The following ZSWIM5 variants were observed in gnomAD, a reference collection of about 807,000 sequenced individuals.
ZSWIM5 encodes zinc finger SWIM-type containing 5, also known as zinc finger SWIM domain-containing protein 5.
Under a neutral mutation model 119.6 loss-of-function variants are expected in ZSWIM5, and 55 were observed. The observed-to-expected ratio is 0.46, with a 90% confidence interval of 0.37 to 0.58. ZSWIM5 has a LOEUF of 0.58. Ranked by LOEUF, ZSWIM5 falls within the 20% of genes least tolerant of loss-of-function variation. The pLI is 0.00. For missense variants in ZSWIM5, 1,193 were observed against 1,512.8 expected (o/e 0.79, Z 3.51); for synonymous variants, 537 against 606.9 (o/e 0.88, Z 1.69).
intron 1 of ZSWIM5, among the ~76,000 whole-genome samples, chr1:45,115,275 G>T (rs2149025187): frequency 6.7e-6 from 1 of 150,270 alleles, no homozygotes; most frequent in East Asian, 2.0e-4. Context: ...CGGGGGCGGG[G>T]GCTGCCCCCC....
chr1:45,173,964 T>C (rs536689646), intron 1 of ZSWIM5, among the ~76,000 whole-genome samples: 1 of 152,220 alleles, frequency 6.6e-6, no homozygotes, highest in Admixed American at 6.6e-5. Flanking sequence ...TTGTACTGAT[T>C]ATAATTTAAC....
At chr1:45,103,165 G>T (rs1294761754) in intron 1 of ZSWIM5, among the ~76,000 whole-genome samples, 1 of 152,136 alleles carries the variant, frequency 6.6e-6, no homozygotes, top group Non-Finnish European at 1.5e-5. Context: ...GAGCCACCAT[G>T]CCCGGCTCAT....
chr1:45,101,024 A>C (rs1047321789), intron 1 of ZSWIM5, among the ~76,000 whole-genome samples: 12 of 152,214 alleles, frequency 7.9e-5, no homozygotes, highest in African/African-American at 2.9e-4. Context: ...CAATGGCAAC[A>C]AAAGCCAAAA....
At chr1:45,106,608 G>A (rs1277014683) in intron 1 of ZSWIM5, among the ~76,000 whole-genome samples, 5 of 144,486 alleles carry the variant, frequency 3.5e-5, no homozygotes, top group East Asian at 2.1e-4. Flanking sequence ...CTGCCCGGCC[G>A]CCCCGTCTGG....
chr1:45,119,719 A>T (rs1425996147), intron 1 of ZSWIM5, among the ~76,000 whole-genome samples: 2 of 152,226 alleles, frequency 1.3e-5, no homozygotes, highest in African/African-American at 4.8e-5. Context: ...GTTACCCAAC[A>T]GTAGGAGTTT....
chr1:45,138,894 CTTTTTT>C (rs34851118), intron 1 of ZSWIM5, among the ~76,000 whole-genome samples: 1 of 140,618 alleles, frequency 7.1e-6, no homozygotes, highest in Non-Finnish European at 1.6e-5. Context: ...TTTTCTTTTT[CTTTTTT>C]TTTTTTTTTG....
chr1:45,069,351 G>A (rs559840103), intron 2 of ZSWIM5, among the ~76,000 whole-genome samples: 40 of 151,966 alleles, frequency 2.6e-4, no homozygotes, highest in Non-Finnish European at 2.8e-4. Flanking sequence ...GTGTGAACCC[G>A]GGAGGCGGAG....
At chr1:45,194,445 A>T (rs982991793) in intron 1 of ZSWIM5, among the ~76,000 whole-genome samples, 4 of 152,212 alleles carry the variant, frequency 2.6e-5, no homozygotes, top group African/African-American at 9.6e-5. Context: ...AGAAATCTGT[A>T]AAGTTTACTC....
Position 45,206,324 on chromosome 1 carries a change from C to A in ZSWIM5, c.27G>T (p.Glu9Asp). 6.6e-7 allele frequency: 1 copy of A among 1,505,358 alleles called. No homozygotes were observed. The highest frequency in any genetic ancestry group is 8.9e-7 in the Non-Finnish European group (1 of 1,126,454). The allele number at this position is 1,505,358 out of a possible 1,614,324, so 93.3% of individuals were successfully genotyped here. ...GAGAGACCGGTGACGGCGAGAGCAG[C>A]TCCTCTCGCTCACCTCCGTCCGCCA... MADGGERE[E>D]LLSPSPVSPA... The change falls in exon 1 of 14, where the codon GAG (glutamate) becomes GAT (aspartate). Residue 9 changes from glutamate (E) to aspartate (D), a missense_variant. Around this residue, in one of 2 missense-constraint regions of ZSWIM5, gnomAD observed 232 missense variants for 222.9 expected, o/e 1.04. Transcript: ENST00000359600.
chr1:45,032,757 G>A (rs180945924), intron 11 of ZSWIM5, among the ~76,000 whole-genome samples: 9 of 151,730 alleles, frequency 5.9e-5, no homozygotes, highest in Non-Finnish European at 1.3e-4. Context: ...AAAGTGCTAG[G>A]ATTATAGGTG....
At chr1:45,171,061 T>C (rs1008667486) in intron 1 of ZSWIM5, among the ~76,000 whole-genome samples, 6 of 152,256 alleles carry the variant, frequency 3.9e-5, no homozygotes, top group Middle Eastern at 3.4e-3. Context: ...TTTTCACATC[T>C]ACTTTAGAAG....
chr1:45,067,370 A>T (rs1275209824), intron 2 of ZSWIM5, among the ~76,000 whole-genome samples: 1 of 151,654 alleles, frequency 6.6e-6, no homozygotes, highest in Non-Finnish European at 1.5e-5. Context: ...GCCCAGGGAG[A>T]CTAAGGCTGC....
chr1:45,062,595 C>T (rs528720059), intron 2 of ZSWIM5, among the ~76,000 whole-genome samples: 2 of 151,996 alleles, frequency 1.3e-5, no homozygotes, highest in East Asian at 3.9e-4. Context: ...CAACCTCCTG[C>T]GCTCAAGTGA....
intron 1 of ZSWIM5, among the ~76,000 whole-genome samples, chr1:45,094,967 C>T (rs1036181138): frequency 4.6e-5 from 7 of 152,094 alleles, no homozygotes; most frequent in Non-Finnish European, 2.9e-5. Flanking sequence ...TTTAACCTAC[C>T]GTTTACCAAC....
intron 1 of ZSWIM5, among the ~76,000 whole-genome samples, chr1:45,184,570 T>C (rs1415250431): frequency 6.6e-6 from 1 of 152,134 alleles, no homozygotes; most frequent in Non-Finnish European, 1.5e-5. Flanking sequence ...ACAAAATCAA[T>C]GTACAAAAAT....
At chr1:45,153,948 C>A (rs1645812616) in intron 1 of ZSWIM5, among the ~76,000 whole-genome samples, 1 of 152,090 alleles carries the variant, frequency 6.6e-6, no homozygotes, top group South Asian at 2.1e-4. Context: ...CTACTATACA[C>A]CAACAGTGAC....
In ZSWIM5 at chr1:45,057,551, T is replaced by C. The variant is rs989558647; in HGVS notation, c.1252+1058A>G. On this transcript the variant is annotated intron_variant, in intron 4 of 13. Coordinates refer to ENST00000359600, the MANE Select transcript of ZSWIM5 (RefSeq NM_020883.2). This position sits in a 1 kb window ranked among gnomAD's most constrained non-coding sequence, Gnocchi z 4.7. ...CTCTCCCAAGGCTAACTTCAAGTTC[T>C]TAAGGAACATGCACTTTGAAGAAAT... is the stretch of plus-strand genomic sequence containing the variant. Among the ~76,000 whole-genome samples the C allele has an allele frequency of 2.6e-5, 4 of 152,218 alleles. No homozygotes were observed. Among genetic ancestry groups the C allele is most frequent in the Non-Finnish European group, 5.9e-5 (4 of 68,042 alleles).
At chr1:45,060,378 A>C in intron 2 of ZSWIM5, 131 bp from the exon 3 acceptor site, 1 of 848,590 alleles carries the variant, frequency 1.2e-6, no homozygotes, top group East Asian at 2.7e-5. Context: ...TGTCAACTGT[A>C]TAGTCCTAAA....
intron 1 of ZSWIM5, among the ~76,000 whole-genome samples, chr1:45,141,281 G>GGAC (rs2149034307): frequency 1.3e-5 from 2 of 152,188 alleles, no homozygotes; most frequent in East Asian, 3.9e-4. Flanking sequence ...CCTGCTGCTT[G>GGAC]GACCTAGATA....
Sources: gnomAD v4.1 joint callset for allele counts (sites outside exome capture counted in the v4.1 genomes callset) on GRCh38, gnomAD v4.1.1 for gene constraint, gnomAD v4.1.1 regional missense constraint, Gnocchi (gnomAD v3.1) non-coding constraint, MANE v1.5 for transcripts, NCBI Gene and HGNC (gene_info 2026-07-23, HGNC 2026-07-21) for gene names.